The following CELF4 variants were observed in gnomAD, a reference collection of about 807,000 sequenced individuals.
CELF4 encodes CUGBP Elav-like family member 4.
In CELF4, 18 loss-of-function variants were observed where a neutral mutation model predicts 59.9. The ratio of observed to expected loss-of-function variants is 0.30; its 90% CI spans 0.21 to 0.45. The LOEUF is 0.45. Among genes scored for constraint, CELF4 ranks in the 20% least tolerant of loss-of-function variants. The pLI is 1.00. For missense variants in CELF4, 456 were observed against 689.0 expected, an observed-to-expected ratio of 0.66 and a Z score of 3.79; for synonymous variants, 261 against 267.1, an observed-to-expected ratio of 0.98 and a Z score of 0.22.
intron 2 of CELF4, among the ~76,000 whole-genome samples, chr18:37,334,756 G>T (rs1366452091): frequency 6.6e-6 from 1 of 151,656 alleles, no homozygotes; most frequent in East Asian, 2.0e-4. Flanking sequence ...CTCTCCTGTG[G>T]CTCCCGGGCC....
In CELF4 at chr18:37,533,435, G is replaced by A. The variant is rs11874439; in HGVS notation, c.286+31921C>T. On this transcript the variant is annotated intron_variant, in intron 1 of 12. Transcript: ENST00000420428. ...CAGCAATTGGCCCATACAGCAGGGG[G>A]GTGATTTGAGTGGGGGCCCTTCTGA... Among the ~76,000 whole-genome samples the A allele has an allele frequency of 5.6e-3, 856 of 152,286 alleles. 8 individuals are homozygous for A. The highest frequency in any genetic ancestry group is 0.019 in the African/African-American group (803 of 41,562).
intron 2 of CELF4, among the ~76,000 whole-genome samples, chr18:37,333,061 T>A (rs1344617521): frequency 6.6e-6 from 1 of 152,194 alleles, no homozygotes; most frequent in Non-Finnish European, 1.5e-5. Flanking sequence ...GGGTGTGCAA[T>A]TTTTTAAATA....
intron 2 of CELF4, among the ~76,000 whole-genome samples, chr18:37,374,275 C>T (rs1397375302): frequency 1.3e-5 from 2 of 152,228 alleles, no homozygotes; most frequent in East Asian, 1.9e-4. Context: ...AGGCTTTGAG[C>T]CCTGCACCCA....
intron 1 of CELF4, among the ~76,000 whole-genome samples, chr18:37,508,010 C>T (rs564486066): frequency 3.5e-4 from 54 of 152,328 alleles, no homozygotes; most frequent in African/African-American, 1.1e-3. Context: ...CCTGCCCCAG[C>T]CCAGGTCCAG....
Position 37,275,188 on chromosome 18 carries a change from C to T in CELF4, c.504G>A (p.Val168=), listed in dbSNP as rs960892106. 2.6e-5 allele frequency: 42 copies of T among 1,613,608 alleles called. No homozygotes were observed. The highest frequency in any genetic ancestry group is 3.2e-5 in the Non-Finnish European group (38 of 1,179,898). The change falls in exon 4 of 13, where the codon GTG becomes GTA. Residue 168 remains valine, a synonymous_variant. Coordinates refer to ENST00000420428, the MANE Select transcript of CELF4 (RefSeq NM_020180.4). ...TCCCAAAGGCCTCGAAAAGGCGGCG[C>T]ACGTCGTCCTCGGACTGTTGCTTGT... The part of the protein sequence containing the change: ...MLNKQQSEDD[V]RRLFEAFGNI...
intron 2 of CELF4, among the ~76,000 whole-genome samples, chr18:37,462,793 G>GTT (rs33987730): frequency 1.8e-4 from 26 of 146,398 alleles, no homozygotes; most frequent in Middle Eastern, 3.5e-3. Flanking sequence ...ACATTATGAG[G>GTT]TTTTTTTTTT....
At chr18:37,504,092 C>G (rs1399662006) in intron 1 of CELF4, among the ~76,000 whole-genome samples, 1 of 152,180 alleles carries the variant, frequency 6.6e-6, no homozygotes. Context: ...ACAGCTAAGC[C>G]ACTTTTCTTC....
At chr18:37,467,014 C>T (rs921803349) in intron 2 of CELF4, among the ~76,000 whole-genome samples, 9 of 151,990 alleles carry the variant, frequency 5.9e-5, no homozygotes, top group East Asian at 5.8e-4. Context: ...GAGTGGGAGG[C>T]GGTGGGGATT....
intron 1 of CELF4, among the ~76,000 whole-genome samples, chr18:37,519,098 A>G (rs977396455): frequency 6.6e-6 from 1 of 151,752 alleles, no homozygotes; most frequent in African/African-American, 2.4e-5. Flanking sequence ...GAGCCCACAG[A>G]CAGATGGGCA....
intron 11 of CELF4, among the ~76,000 whole-genome samples, chr18:37,255,188 T>C (rs1242545759): frequency 7.2e-5 from 11 of 152,044 alleles, no homozygotes; most frequent in Admixed American, 7.2e-4. Flanking sequence ...CAAATGGCCA[T>C]TAGGTATAAG....
intron 2 of CELF4, among the ~76,000 whole-genome samples, chr18:37,331,393 C>T (rs772889592): frequency 4.6e-5 from 7 of 152,292 alleles, no homozygotes; most frequent in South Asian, 2.1e-4. Flanking sequence ...TTCCAGTCAT[C>T]GCCTCTGGAC....
chr18:37,328,126 C>T (rs949854871), intron 2 of CELF4, among the ~76,000 whole-genome samples: 2 of 152,142 alleles, frequency 1.3e-5, no homozygotes, highest in African/African-American at 2.4e-5. Flanking sequence ...CTCATGGATC[C>T]CCAGAGGCAG....
At chr18:37,247,339 T>G (rs903761631) in intron 12 of CELF4, 5 of 129,972 alleles carry the variant, frequency 3.8e-5, no homozygotes, top group African/African-American at 6.0e-5. Flanking sequence ...TTTATATATG[T>G]AGAGAGAGAG....
chr18:37,448,490 G>T (rs1254555244), intron 2 of CELF4, among the ~76,000 whole-genome samples: 10 of 152,234 alleles, frequency 6.6e-5, no homozygotes, highest in Admixed American at 6.5e-4. Context: ...TCCCGGCTGT[G>T]ACCTCAGTGC....
At chr18:37,562,184 C>T (rs2099986738) in intron 1 of CELF4, among the ~76,000 whole-genome samples, 2 of 152,122 alleles carry the variant, frequency 1.3e-5, no homozygotes, top group Non-Finnish European at 2.9e-5. Context: ...AACACCCACC[C>T]ACTCCCTCCT....
At chr18:37,277,525 G>T (rs1008738216) in intron 3 of CELF4, among the ~76,000 whole-genome samples, 1 of 152,144 alleles carries the variant, frequency 6.6e-6, no homozygotes, top group East Asian at 1.9e-4. Context: ...AGAGTTCAGC[G>T]CAGAAAGGGA....
At chr18:37,364,023 C>T (rs1224890980) in intron 2 of CELF4, among the ~76,000 whole-genome samples, 2 of 152,168 alleles carry the variant, frequency 1.3e-5, no homozygotes, top group African/African-American at 4.8e-5. Context: ...GAGGAGAGGC[C>T]TGAAAAAGGG....
At chr18:37,414,121 C>T (rs183116554) in intron 2 of CELF4, among the ~76,000 whole-genome samples, 11 of 152,234 alleles carry the variant, frequency 7.2e-5, no homozygotes, top group East Asian at 5.8e-4. Flanking sequence ...GGCAGGGATT[C>T]GGCAAACACT....
In CELF4 at chr18:37,315,014, G is replaced by A. The variant is rs866828141; in HGVS notation, c.448+6789C>T. Reference sequence around the variant, plus strand: ...CTATGCAATCGGGCCCGATTCTGCTGTGCAGGTGGCCACCTGTGTGTGTCT... The same window carrying A: ...CTATGCAATCGGGCCCGATTCTGCTATGCAGGTGGCCACCTGTGTGTGTCT... On this transcript the variant is annotated intron_variant, in intron 3 of 12. Transcript: ENST00000420428. Among the ~76,000 whole-genome samples, 431 of 152,198 alleles carry A rather than the reference G, an allele frequency of 2.8e-3. 3 individuals are homozygous for A. The highest frequency in any genetic ancestry group is 9.8e-3 in the African/African-American group (407 of 41,516).
Sources: allele counts gnomAD v4.1 joint callset (sites outside exome capture counted in the v4.1 genomes callset), GRCh38; gene constraint gnomAD v4.1.1; transcripts MANE v1.5; gene names NCBI Gene and HGNC (gene_info 2026-07-23, HGNC 2026-07-21).